The following DOCK4 variants were observed in gnomAD, a reference collection of about 807,000 sequenced individuals.
DOCK4 encodes the protein dedicator of cytokinesis protein 4.
In DOCK4, 97 loss-of-function variants were observed where a neutral mutation model predicts 268.1. The observed-to-expected ratio is 0.36, with a 90% CI of 0.31 to 0.43. The LOEUF is 0.43. Ranked by LOEUF, DOCK4 falls within the 20% of genes least tolerant of loss-of-function variation. The pLI is 1.00. For synonymous variants in DOCK4, 954 were observed against 887.2 expected (o/e 1.08, Z -1.34); for missense variants, 2,145 against 2,455.7 (o/e 0.87, Z 2.67).
chr7:112,012,033 T>C lies in DOCK4; in HGVS notation c.38-7902A>G, dbSNP rs529069635. Among the ~76,000 whole-genome samples the C allele has an allele frequency of 3.9e-5, 6 of 151,960 alleles. No homozygotes were observed. The East Asian group carries it at 1.2e-3, about 29-fold the overall frequency. ...TTTGCTAGCCCACGATGACACCCCC[T>C]GCCTGGCCTACCTCACAGGATGTCA... On this transcript the variant is annotated intron_variant, in intron 1 of 52. Coordinates refer to ENST00000428084, the MANE Select transcript of DOCK4 (RefSeq NM_001363540.2).
intron 52 of DOCK4, among the ~76,000 whole-genome samples, chr7:111,729,352 G>C (rs1483375904): frequency 6.6e-6 from 1 of 152,026 alleles, no homozygotes; most frequent in Non-Finnish European, 1.5e-5. Context: ...GAGGCCAGGA[G>C]CTTGAGACCA....
chr7:112,122,788 T>G (rs904756489), intron 1 of DOCK4, among the ~76,000 whole-genome samples: 5 of 152,260 alleles, frequency 3.3e-5, no homozygotes, highest in South Asian at 2.1e-4. Context: ...TTAATTTTAG[T>G]ATTTTGAAAG....
chr7:111,944,702 T>C, intron 10 of DOCK4, 109 bp downstream of exon 10: 1 of 1,098,328 alleles, frequency 9.1e-7, no homozygotes. Flanking sequence ...AAATCTGGCT[T>C]TGATATCTTT....
chr7:111,787,932 A>G (rs753180970), intron 32 of DOCK4, among the ~76,000 whole-genome samples: 1 of 152,232 alleles, frequency 6.6e-6, no homozygotes, highest in Non-Finnish European at 1.5e-5. Context: ...AGAGAAAACA[A>G]GTGCCAGAAG....
At chr7:112,021,667 T>A (rs553250964) in intron 1 of DOCK4, among the ~76,000 whole-genome samples, 11 of 152,366 alleles carry the variant, frequency 7.2e-5, no homozygotes, top group Admixed American at 3.3e-4. Context: ...ATTTTCCCCA[T>A]CTTTCAACAG....
chr7:111,849,449 G>T (rs1040812902), intron 23 of DOCK4, among the ~76,000 whole-genome samples: 5 of 152,024 alleles, frequency 3.3e-5, no homozygotes, highest in Non-Finnish European at 7.4e-5. Flanking sequence ...TTTTAGTAGA[G>T]ACAGGGTTTT....
At chr7:112,116,236 A>T (rs559934025) in intron 1 of DOCK4, among the ~76,000 whole-genome samples, 64 of 152,236 alleles carry the variant, frequency 4.2e-4, no homozygotes, top group Non-Finnish European at 1.6e-4. Context: ...CCTATTCTGG[A>T]TATTTCATAT....
intron 1 of DOCK4, among the ~76,000 whole-genome samples, chr7:112,199,358 T>C (rs573829833): frequency 7.2e-5 from 11 of 152,308 alleles, no homozygotes; most frequent in African/African-American, 2.4e-4. Context: ...TATATAAAAG[T>C]TTCCAAAAGG....
intron 7 of DOCK4, among the ~76,000 whole-genome samples, chr7:111,982,278 C>A (rs1419455473): frequency 6.6e-6 from 1 of 152,168 alleles, no homozygotes; most frequent in Non-Finnish European, 1.5e-5. Flanking sequence ...AAACCACAAC[C>A]AAACCCAGAA....
At chr7:112,033,772 T>G (rs1321948262) in intron 1 of DOCK4, among the ~76,000 whole-genome samples, 8 of 152,190 alleles carry the variant, frequency 5.3e-5, no homozygotes, top group Admixed American at 5.2e-4. Context: ...TCTGAGCCAC[T>G]ACATTCCTGT....
intron 26 of DOCK4, among the ~76,000 whole-genome samples, chr7:111,822,966 T>C (rs1056887793): frequency 2.6e-5 from 4 of 152,196 alleles, no homozygotes; most frequent in Admixed American, 1.3e-4. Context: ...TAATGGAATG[T>C]ATGCAGGTTT....
At chr7:111,928,768 T>C (rs1203605794) in intron 12 of DOCK4, among the ~76,000 whole-genome samples, 2 of 152,154 alleles carry the variant, frequency 1.3e-5, no homozygotes, top group East Asian at 3.9e-4. Flanking sequence ...TTTGTATTTT[T>C]AGTAGAGATG....
intron 1 of DOCK4, among the ~76,000 whole-genome samples, chr7:112,087,641 T>C (rs1270051240): frequency 6.6e-6 from 1 of 152,082 alleles, no homozygotes; most frequent in African/African-American, 2.4e-5. Context: ...AAAAAAGATA[T>C]CGTTATCTAA....
intron 1 of DOCK4, among the ~76,000 whole-genome samples, chr7:112,168,754 G>A (rs371627308): frequency 3.2e-4 from 49 of 152,230 alleles, no homozygotes; most frequent in African/African-American, 1.2e-3. Context: ...TAGGTCAGGT[G>A]AACGCTGACC....
chr7:111,732,383 C>A, intron 51 of DOCK4, 96 bp from the exon 52 acceptor site: 1 of 1,299,304 alleles, frequency 7.7e-7, no homozygotes, highest in Non-Finnish European at 1.1e-6. Context: ...AACAGATGAT[C>A]CAGTGCATAA....
At chr7:111,935,087 C>T (rs368383240) in intron 12 of DOCK4, among the ~76,000 whole-genome samples, 35 of 151,880 alleles carry the variant, frequency 2.3e-4, no homozygotes, top group Non-Finnish European at 2.2e-4. Context: ...GCTGGGATTA[C>T]AGGCACCTGC....
chr7:111,755,745 T>A, intron 41 of DOCK4, 144 bp from the exon 42 acceptor site: 1 of 707,846 alleles, frequency 1.4e-6, no homozygotes, highest in Non-Finnish European at 2.4e-6. Context: ...CTCATGAAAC[T>A]ATCACAGTGA....
intron 26 of DOCK4, among the ~76,000 whole-genome samples, chr7:111,826,773 G>A (rs1408206499): frequency 6.6e-6 from 1 of 152,206 alleles, no homozygotes; most frequent in East Asian, 1.9e-4. Context: ...ACTACCTATT[G>A]GGTACTACAT....
chr7:112,060,543 C>A (rs1366957919), intron 1 of DOCK4, among the ~76,000 whole-genome samples: 5 of 152,124 alleles, frequency 3.3e-5, no homozygotes, highest in Non-Finnish European at 7.4e-5. Flanking sequence ...GCATTTTTCA[C>A]AATGGCTCAA....
Sources: gnomAD v4.1 joint callset for allele counts (sites outside exome capture counted in the v4.1 genomes callset) on GRCh38, gnomAD v4.1.1 for gene constraint, MANE v1.5 for transcripts, NCBI Gene and HGNC (gene_info 2026-07-23, HGNC 2026-07-21) for gene names.